DSG3: variants seen among roughly 807,000 people sequenced by gnomAD.
DSG3 encodes the protein desmoglein-3.
In DSG3, 63 loss-of-function variants were observed where a neutral mutation model predicts 85.9. The observed-to-expected ratio is 0.73, with a 90% CI of 0.60 to 0.90. The LOEUF (loss-of-function observed/expected upper bound fraction) is 0.90, where lower values mean the gene tolerates loss of function less well. Among genes scored for constraint, DSG3 ranks in the 40% least tolerant of loss-of-function variants. DSG3 has a pLI of 0.00. For missense variants in DSG3, 1,220 were observed against 1,219.9 expected, an observed-to-expected ratio of 1.00 and a Z score of 0.00; for synonymous variants, 447 against 441.9, an observed-to-expected ratio of 1.01 and a Z score of -0.14.
chr18:31,469,597 G>A (rs572086712), intron 12 of DSG3, among the ~76,000 whole-genome samples: 1 of 152,202 alleles, frequency 6.6e-6, no homozygotes, highest in African/African-American at 2.4e-5. Context: ...AGATAATCAA[G>A]AGAAAAGCAA....
At chr18:31,455,500 T>A (rs2072736843) in intron 1 of DSG3, among the ~76,000 whole-genome samples, 1 of 152,204 alleles carries the variant, frequency 6.6e-6, no homozygotes, top group South Asian at 2.1e-4. Flanking sequence ...AATAATAAAC[T>A]GTGGTAAACC....
In DSG3 at chr18:31,475,803, C is replaced by T; in HGVS notation, c.2543C>T (p.Ser848Leu). 6.2e-7 allele frequency: 1 copy of T among 1,614,166 alleles called. No homozygotes were observed. The highest frequency in any genetic ancestry group is 8.5e-7 in the Non-Finnish European group (1 of 1,180,042). ...GACCTGGATGACAGCTTCTTGGACT[C>T]ACTTGGACCCAAATTTAAAAAACTT... ...ADDLDDSFLD[S>L]LGPKFKKLAE... Residue 848 changes from serine (S) to leucine (L), a missense_variant, in exon 16 of 16, where the codon TCA becomes TTA. Coordinates refer to ENST00000257189, the MANE Select transcript of DSG3 (RefSeq NM_001944.3).
intron 11 of DSG3, among the ~76,000 whole-genome samples, chr18:31,467,033 C>G (rs1425130749): frequency 6.6e-6 from 1 of 151,996 alleles, no homozygotes; most frequent in Non-Finnish European, 1.5e-5. Flanking sequence ...ATAGTGCACC[C>G]AAAAAAGATT....
chr18:31,464,682 G>T (rs1450946111), intron 9 of DSG3, among the ~76,000 whole-genome samples: 2 of 152,176 alleles, frequency 1.3e-5, no homozygotes, highest in African/African-American at 4.8e-5. Flanking sequence ...TTACAAAGGA[G>T]TAGAAGTGCA....
intron 1 of DSG3, among the ~76,000 whole-genome samples, chr18:31,454,557 T>C (rs1482785151): frequency 6.6e-6 from 1 of 152,202 alleles, no homozygotes; most frequent in African/African-American, 2.4e-5. Flanking sequence ...TGGACTAGTC[T>C]ATTCATTATA....
At chr18:31,475,370 C>A (rs538311881) in intron 15 of DSG3, among the ~76,000 whole-genome samples, 7 of 152,168 alleles carry the variant, frequency 4.6e-5, no homozygotes, top group African/African-American at 1.7e-4. Flanking sequence ...TGGGATATTT[C>A]TAGGTGGGAT....
At position 31,475,549 on chromosome 18, in the gene DSG3, G is replaced by T. The variant is rs1033989104; in HGVS notation, c.2386-97G>T. ...TTTATTTCTATGGATTACCTAGTTT[G>T]GGCATTCATAATCCAAATGAGTTCT... On this transcript the variant is annotated intron_variant, in intron 15 of 15. Transcript: ENST00000257189. 4 of 1,397,764 alleles carry T rather than the reference G, an allele frequency of 2.9e-6. No homozygotes were observed. The Admixed American group carries it at 6.7e-5, about 23-fold the overall frequency. The allele number at this position is 1,397,764 out of a possible 1,614,324, so 86.6% of individuals were successfully genotyped here.
rs35886860 is a variant in DSG3, at chr18:31,452,517, CAAAAAAAAAAAA to C, written c.49-3906_49-3895del. On this transcript the variant is annotated intron_variant, in intron 1 of 15. Coordinates refer to ENST00000257189, the MANE Select transcript of DSG3 (RefSeq NM_001944.3). The stretch of plus-strand genomic sequence containing the variant: ...CTTGTGACAGAGCGAGACTCCGTCT[CAAAAAAAAAAAA>C]AAAAAAAAAAAAAAAAGCTCTTTTA... 1.6e-3 allele frequency among the ~76,000 whole-genome samples: 81 copies of C among 51,836 alleles called. 2 individuals are homozygous for C. Among genetic ancestry groups the C allele is most frequent in the Non-Finnish European group, 2.9e-3 (71 of 24,438 alleles). The allele number at this position is 51,836 out of a possible 152,430, so 34.0% of individuals were successfully genotyped here.
chr18:31,476,185 C>G lies in DSG3; in HGVS notation c.2925C>G (p.Asn975Lys). 6.2e-7 allele frequency: 1 copy of G among 1,614,220 alleles called. No homozygotes were observed. Among genetic ancestry groups the G allele is most frequent in the South Asian group, 1.1e-5 (1 of 91,076 alleles). The part of the protein sequence containing the change: ...VICPISSVPG[N>K]LAGPTQLRGS... ...GTCCCATTTCCAGTGTTCCTGGCAACCTAGCTGGCCCAACGCAGCTACGAG... is the reference window on the plus strand; with the variant it reads ...GTCCCATTTCCAGTGTTCCTGGCAAGCTAGCTGGCCCAACGCAGCTACGAG... Residue 975 changes from asparagine (N) to lysine (K), a missense_variant, in exon 16 of 16, where the codon AAC becomes AAG. Coordinates refer to ENST00000257189, the MANE Select transcript of DSG3 (RefSeq NM_001944.3).
At position 31,477,243 on chromosome 18, in the gene DSG3, T is replaced by C. The variant is rs562029535; in HGVS notation, c.*983T>C. ...AATATTTTGTGTGTTTTAATCCCTTTGAAGGGATCTATCCAAAGAAAATAT... is the reference window on the plus strand; with the variant it reads ...AATATTTTGTGTGTTTTAATCCCTTCGAAGGGATCTATCCAAAGAAAATAT... On this transcript the variant is annotated 3_prime_UTR_variant, in exon 16 of 16. Coordinates refer to ENST00000257189, the MANE Select transcript of DSG3 (RefSeq NM_001944.3). 2.6e-5 allele frequency: 4 copies of C among 152,334 alleles called. No homozygotes were observed. The East Asian group carries it at 7.7e-4, about 29-fold the overall frequency. The allele number at this position is 152,334 out of a possible 1,614,324, so 9.4% of individuals were successfully genotyped here. A position where few individuals can be genotyped will look rare whatever the true frequency, so the allele number is the denominator to read the frequency against.
In DSG3 at chr18:31,459,020, CCT is replaced by C. The variant is rs1829562681; in HGVS notation, c.373-10_373-9del. ...TTGCAGAGTAATACTCCACATTTTC[CCT>C]CTGTTCCTAGATCACATGTCGGGCT... On this transcript the variant is annotated splice_polypyrimidine_tract_variant and intron_variant, in intron 4 of 15. Coordinates refer to ENST00000257189, the MANE Select transcript of DSG3 (RefSeq NM_001944.3). 6.8e-6 allele frequency: 11 copies of C among 1,611,808 alleles called. No individual in the cohort carries two copies. Among genetic ancestry groups the C allele is most frequent in the Non-Finnish European group, 9.3e-6 (11 of 1,179,488 alleles).
chr18:31,455,476 T>C (rs61344982), intron 1 of DSG3, among the ~76,000 whole-genome samples: 38,945 of 151,890 alleles, frequency 0.26, 5,628 homozygotes, highest in African/African-American at 0.41. Context: ...TTCTTTCATG[T>C]GCATAAAACA....
rs746223498 is a variant in DSG3 at position 31,464,360 on chromosome 18, A to C, written c.1249A>C (p.Asn417His). 6.2e-7 allele frequency: 1 copy of C among 1,609,514 alleles called. No homozygotes were observed. The highest frequency in any genetic ancestry group is 8.5e-7 in the Non-Finnish European group (1 of 1,177,646). ...GTYQAIDEDT[N>H]KAASNVKYVM... is the part of the protein sequence containing the mutation. The stretch of plus-strand genomic sequence containing the variant: ...ATATCAAGCCATCGATGAGGACACT[A>C]ACAAAGCTGCCTCAAATGTCAAGTA... The change falls in exon 9 of 16, where the codon AAC becomes CAC. Residue 417 changes from asparagine to histidine, a missense_variant. Coordinates refer to ENST00000257189, the MANE Select transcript of DSG3 (RefSeq NM_001944.3).
chr18:31,465,456 T>C lies in DSG3; in HGVS notation c.1410T>C (p.Asp470=), dbSNP rs2144277838. 6.8e-7 allele frequency: 1 copy of C among 1,480,772 alleles called. No homozygotes were observed. Among genetic ancestry groups the C allele is most frequent in the African/African-American group, 1.4e-5 (1 of 69,878 alleles). 91.7% of individuals were successfully genotyped at this position (1,480,772 alleles called of 1,614,324 possible). A position where few individuals can be genotyped will look rare whatever the true frequency, so the allele number is the denominator to read the frequency against. ...KTITAEVLAI[D]EYTGKTSTGT... is the part of the protein sequence containing the mutation. ...TCACAGCTGAGGTTCTGGCCATAGA[T>C]GGTAAGAAAAATATTTGAATCATTT... is the stretch of plus-strand genomic sequence containing the variant. The change falls in exon 10 of 16, where the codon GAT becomes GAC. Residue 470 remains aspartate, a splice_region_variant and synonymous_variant. Transcript: ENST00000257189.
At chr18:31,447,996 A>T in intron 1 of DSG3, 71 bp downstream of exon 1, 1 of 1,179,042 alleles carries the variant, frequency 8.5e-7, no homozygotes, top group South Asian at 1.8e-5. Flanking sequence ...ATTATATTTG[A>T]TTGCACAATC....
chr18:31,469,075 T>C lies in DSG3; in HGVS notation c.1637-14T>C, dbSNP rs751302826. The C allele has an allele frequency of 9.3e-6, 15 of 1,610,598 alleles. No individual in the cohort carries two copies. Among genetic ancestry groups the C allele is most frequent in the Non-Finnish European group, 1.3e-5 (15 of 1,176,904 alleles). On this transcript the variant is annotated splice_polypyrimidine_tract_variant and intron_variant, in intron 11 of 15. Coordinates refer to ENST00000257189, the MANE Select transcript of DSG3 (RefSeq NM_001944.3). ...TTCGTCCTACTGTTGATTTGCATGA[T>C]TCTTTCTCTACAGCTACCTCGGCCC... is the stretch of plus-strand genomic sequence containing the variant.
At position 31,476,124 on chromosome 18, in the gene DSG3, T is replaced by C. The variant is rs759819201; in HGVS notation, c.2864T>C (p.Leu955Pro). The C allele has an allele frequency of 6.2e-7, 1 of 1,614,222 alleles. No individual in the cohort carries two copies. The highest frequency in any genetic ancestry group is 8.5e-7 in the Non-Finnish European group (1 of 1,180,038). The change falls in exon 16 of 16, where the codon CTC becomes CCC. Residue 955 changes from leucine (L) to proline (P), a missense_variant. Transcript: ENST00000257189. ...QPSTAGFDPLLTQNVIVTERV... is the reference protein window; with the variant it reads ...QPSTAGFDPLPTQNVIVTERV... ...TCCACTGCAGGCTTTGATCCACTTC[T>C]CACACAAAATGTGATAGTGACAGAA...
chr18:31,448,810 T>C (rs982723070), intron 1 of DSG3, among the ~76,000 whole-genome samples: 1 of 144,770 alleles, frequency 6.9e-6, no homozygotes, highest in Non-Finnish European at 1.5e-5. Context: ...ATTTACCTCA[T>C]TTCTTCATGA....
chr18:31,475,440 A>G (rs2072880429), intron 15 of DSG3, among the ~76,000 whole-genome samples: 2 of 152,230 alleles, frequency 1.3e-5, no homozygotes. Context: ...CAAAGGTTCT[A>G]GCTCAATTTT....
Sources: gnomAD v4.1 joint callset for allele counts (sites outside exome capture counted in the v4.1 genomes callset) on GRCh38, gnomAD v4.1.1 for gene constraint, MANE v1.5 for transcripts, NCBI Gene and HGNC (gene_info 2026-07-23, HGNC 2026-07-21) for gene names.